The following SVEP1 variants were observed in gnomAD, a reference collection of about 807,000 sequenced individuals.
SVEP1 encodes the protein sushi, von Willebrand factor type A, EGF and pentraxin domain-containing protein 1.
A neutral mutation model predicts 367.3 loss-of-function variants in SVEP1; 164 were observed. The ratio of observed to expected loss-of-function variants is 0.45; its 90% confidence interval spans 0.39 to 0.51. The LOEUF is 0.51. SVEP1 is among the 20% of genes least tolerant of loss of function. The pLI is 0.00. For missense variants in SVEP1, 4,117 were observed against 4,425.3 expected (o/e 0.93, Z 1.98); for synonymous variants, 1,666 against 1,611.6 (o/e 1.03, Z -0.81).
At chr9:110,479,037 C>A (rs1304832635) in intron 13 of SVEP1, among the ~76,000 whole-genome samples, 1 of 152,004 alleles carries the variant, frequency 6.6e-6, no homozygotes, top group Non-Finnish European at 1.5e-5. Context: ...CCTGCCTCAG[C>A]CTCCTGAGTA....
intron 40 of SVEP1, among the ~76,000 whole-genome samples, chr9:110,395,089 G>A (rs1021240990): frequency 6.6e-5 from 10 of 152,194 alleles, no homozygotes; most frequent in Admixed American, 1.3e-4. Flanking sequence ...AAACTGTTAA[G>A]AGCAGCCAGA....
chr9:110,413,187 T>C (rs1828069352), intron 36 of SVEP1, among the ~76,000 whole-genome samples: 1 of 136,328 alleles, frequency 7.3e-6, no homozygotes, highest in Non-Finnish European at 1.6e-5. Context: ...GTGGCACATA[T>C]ACACCATGGA....
At chr9:110,470,775 A>T (rs896859757) in intron 16 of SVEP1, among the ~76,000 whole-genome samples, 1 of 148,342 alleles carries the variant, frequency 6.7e-6, no homozygotes, top group Non-Finnish European at 1.5e-5. Flanking sequence ...TAGAAAAATA[A>T]ATATATATAT....
intron 17 of SVEP1, among the ~76,000 whole-genome samples, chr9:110,467,660 G>A (rs1828957738): frequency 6.8e-6 from 1 of 147,814 alleles, no homozygotes; most frequent in Non-Finnish European, 1.5e-5. Context: ...TTTTGAGATA[G>A]GGTCTTGCTC....
chr9:110,499,962 A>G (rs1829507319), intron 6 of SVEP1, among the ~76,000 whole-genome samples: 1 of 152,212 alleles, frequency 6.6e-6, no homozygotes, highest in Non-Finnish European at 1.5e-5. Flanking sequence ...TTTATTCAGT[A>G]CCTACTATGT....
chr9:110,442,315 G>C (rs978557613), intron 27 of SVEP1, among the ~76,000 whole-genome samples: 2 of 152,178 alleles, frequency 1.3e-5, no homozygotes, highest in Non-Finnish European at 2.9e-5. Flanking sequence ...TGGGTTTCCA[G>C]TGCCTTGCAT....
intron 3 of SVEP1, among the ~76,000 whole-genome samples, chr9:110,518,927 C>T (rs1829842123): frequency 6.6e-6 from 1 of 152,162 alleles, no homozygotes; most frequent in Admixed American, 6.5e-5. Flanking sequence ...AGATAAGCCC[C>T]TCTCTCTTTA....
At chr9:110,485,964 G>A (rs1253021001) in intron 9 of SVEP1, among the ~76,000 whole-genome samples, 1 of 152,136 alleles carries the variant, frequency 6.6e-6, no homozygotes, top group African/African-American at 2.4e-5. Context: ...GCAGACCTTA[G>A]GTTTATTATT....
At chr9:110,562,183 TCCA>T (rs932993383) in intron 1 of SVEP1, among the ~76,000 whole-genome samples, 6 of 150,828 alleles carry the variant, frequency 4.0e-5, no homozygotes, top group African/African-American at 1.5e-4. Flanking sequence ...AATGACAAAT[TCCA>T]CCATTTGGAA....
chr9:110,517,950 T>C (rs1399670633), intron 3 of SVEP1, among the ~76,000 whole-genome samples: 1 of 152,042 alleles, frequency 6.6e-6, no homozygotes, highest in Non-Finnish European at 1.5e-5. Flanking sequence ...AAGCAAAAGA[T>C]TCTATTTGGC....
chr9:110,514,513 CA>C (rs71978747), intron 3 of SVEP1, among the ~76,000 whole-genome samples: 60,284 of 109,254 alleles, frequency 0.55, 12,988 homozygotes, highest in Admixed American at 0.61. Flanking sequence ...AACTCCATCT[CA>C]AAAAAAAAAA....
intron 1 of SVEP1, among the ~76,000 whole-genome samples, chr9:110,576,347 T>C (rs1039629810): frequency 6.6e-6 from 1 of 152,048 alleles, no homozygotes; most frequent in Non-Finnish European, 1.5e-5. Flanking sequence ...GACTGAAATA[T>C]ATGGTGGGAA....
intron 8 of SVEP1, 67 bp from the exon 9 acceptor site, chr9:110,489,846 A>G: frequency 6.6e-7 from 1 of 1,511,930 alleles, no homozygotes; most frequent in Non-Finnish European, 8.9e-7. Flanking sequence ...TCTGATTTAT[A>G]TATTATTAGT....
At chr9:110,482,269 T>C (rs1829203160) in intron 11 of SVEP1, 92 bp downstream of exon 11, 1 of 1,350,048 alleles carries the variant, frequency 7.4e-7, no homozygotes, top group Admixed American at 2.8e-5. Context: ...AATCTAATGC[T>C]CATAGCCTAT....
intron 18 of SVEP1, among the ~76,000 whole-genome samples, chr9:110,463,006 T>C (rs1828881461): frequency 6.6e-6 from 1 of 152,086 alleles, no homozygotes; most frequent in Non-Finnish European, 1.5e-5. Context: ...TGTGAGATGA[T>C]GTATATGTGC....
intron 41 of SVEP1, 128 bp from the exon 42 acceptor site, chr9:110,387,586 G>GTGAT: frequency 9.5e-7 from 1 of 1,048,538 alleles, no homozygotes; most frequent in Admixed American, 3.3e-5. Flanking sequence ...GTGAAGCACA[G>GTGAT]TGATATTCAT....
chr9:110,457,520 A>G (rs1330427118), intron 20 of SVEP1, among the ~76,000 whole-genome samples, 168 bp from the exon 21 acceptor site: 1 of 152,174 alleles, frequency 6.6e-6, no homozygotes, highest in East Asian at 1.9e-4. Flanking sequence ...TGCCTGCCAT[A>G]TAGGGGAGCA....
chr9:110,432,376 T>A, intron 31 of SVEP1, 86 bp downstream of exon 31: 16 of 1,479,192 alleles, frequency 1.1e-5, no homozygotes, highest in Non-Finnish European at 1.5e-5. Flanking sequence ...AACAAAGCAA[T>A]GCCTCAAGAA....
chr9:110,416,592 T>C lies in SVEP1; in HGVS notation c.5976-4857A>G, dbSNP rs149637802. ...AAGAGAAAGTGAGAAACAGAAAATA[T>C]TTGCAGTGAAAATGACTGAGAATAT... On this transcript the variant is annotated intron_variant, in intron 36 of 47. Transcript: ENST00000374469. 2.4e-3 allele frequency among the ~76,000 whole-genome samples: 371 copies of C among 151,844 alleles called. 8 individuals carry two copies. The highest frequency in any genetic ancestry group is 8.4e-3 in the African/African-American group (347 of 41,246).
Sources: gnomAD v4.1 joint callset for allele counts (sites outside exome capture counted in the v4.1 genomes callset) on GRCh38, gnomAD v4.1.1 for gene constraint, MANE v1.5 for transcripts, NCBI Gene and HGNC (gene_info 2026-07-23, HGNC 2026-07-21) for gene names.